The following ANKHD1 variants were observed in gnomAD, a reference collection of about 807,000 sequenced individuals.
The protein encoded by ANKHD1 is ankyrin repeat and KH domain containing 1, also known as ankyrin repeat and KH domain-containing protein 1.
In ANKHD1, 31 loss-of-function variants were observed where a neutral mutation model predicts 230.5. The observed-to-expected ratio is 0.13, with a 90% CI of 0.10 to 0.18. The LOEUF (loss-of-function observed/expected upper bound fraction) is 0.18, where lower values mean the gene tolerates loss of function less well. Ranked by LOEUF, ANKHD1 falls within the 10% of genes least tolerant of loss-of-function variation. The pLI, the probability that ANKHD1 is intolerant of heterozygous loss-of-function variation, is 1.00. For synonymous variants in ANKHD1, 1,074 were observed against 1,117.6 expected (o/e 0.96, Z 0.78); for missense variants, 2,256 against 3,071.3 (o/e 0.73, Z 6.27).
chr5:140,455,715 C>T (rs1465543224), intron 7 of ANKHD1, among the ~76,000 whole-genome samples: 1 of 152,128 alleles, frequency 6.6e-6, no homozygotes, highest in Non-Finnish European at 1.5e-5. Flanking sequence ...GGACATATCT[C>T]AAAATAATAA....
At chr5:140,531,329 C>T in intron 29 of ANKHD1, 1 of 416,864 alleles carries the variant, frequency 2.4e-6, no homozygotes, top group East Asian at 9.3e-5. Flanking sequence ...GCCTGTAATC[C>T]CAGCACTTTG....
chr5:140,496,890 G>C lies in ANKHD1; in HGVS notation c.2616G>C (p.Gln872His), dbSNP rs571504331. 2 of 1,614,200 alleles carry C rather than the reference G, an allele frequency of 1.2e-6. No individual in the cohort carries two copies. The highest frequency in any genetic ancestry group is 1.7e-5 in the Admixed American group (1 of 60,024). The change falls in exon 15 of 34, where the codon CAG becomes CAC. Residue 872 changes from glutamine (Q) to histidine (H), a missense_variant. Gln to His is a conservative substitution (Grantham distance 24). Transcript: ENST00000360839. Reference protein sequence around the residue: ...GQKDTVSLHQQCSHRGVFPEG... With the variant: ...GQKDTVSLHQHCSHRGVFPEG... ...AAGACACAGTGTCTCTACACCAACA[G>C]TGCTCTCATAGAGGAGTCTTCCCAG...
At chr5:140,491,092 G>GTGTATA (rs1394796731) in intron 14 of ANKHD1, among the ~76,000 whole-genome samples, 1 of 102,414 alleles carries the variant, frequency 9.8e-6, no homozygotes, top group African/African-American at 4.0e-5. Flanking sequence ...GTGTGTGTGT[G>GTGTATA]TATATATATA....
chr5:140,410,591 A>G (rs2126846286), intron 1 of ANKHD1, among the ~76,000 whole-genome samples: 2 of 152,322 alleles, frequency 1.3e-5, no homozygotes, highest in South Asian at 4.1e-4. Flanking sequence ...TAAAGTTGTA[A>G]TAAATAAAAT....
intron 5 of ANKHD1, among the ~76,000 whole-genome samples, chr5:140,444,996 AG>A (rs1715163597): frequency 6.6e-6 from 1 of 151,970 alleles, no homozygotes; most frequent in Non-Finnish European, 1.5e-5. Flanking sequence ...CAGGGACTAC[AG>A]GGGTATGCCA....
chr5:140,511,692 C>A (rs1752777153), intron 22 of ANKHD1, among the ~76,000 whole-genome samples: 1 of 152,166 alleles, frequency 6.6e-6, no homozygotes, highest in South Asian at 2.1e-4. Flanking sequence ...GTGCAATTTA[C>A]ATATAGTGAA....
chr5:140,468,274 CAAAA>C (rs1163072989), intron 10 of ANKHD1, among the ~76,000 whole-genome samples: 1 of 144,458 alleles, frequency 6.9e-6, no homozygotes, highest in Non-Finnish European at 1.5e-5. Context: ...AAAAAAAAAA[CAAAA>C]AAAAACAAAA....
At chr5:140,444,774 T>C (rs947598004) in intron 5 of ANKHD1, among the ~76,000 whole-genome samples, 3 of 152,208 alleles carry the variant, frequency 2.0e-5, no homozygotes, top group Non-Finnish European at 1.5e-5. Context: ...TTGTAGAATA[T>C]TCCCATCACC....
chr5:140,532,869 G>A, intron 29 of ANKHD1: 1 of 376,676 alleles, frequency 2.7e-6, no homozygotes, highest in Non-Finnish European at 5.3e-6. Context: ...GGCTGAGTTG[G>A]GTGGATCACT....
chr5:140,446,514 C>T (rs1464191924), intron 6 of ANKHD1, among the ~76,000 whole-genome samples: 2 of 152,176 alleles, frequency 1.3e-5, no homozygotes, highest in East Asian at 3.9e-4. Flanking sequence ...GCATGCACCA[C>T]CATGCCTGGC....
intron 20 of ANKHD1, among the ~76,000 whole-genome samples, chr5:140,509,253 T>C (rs1161228783): frequency 2.0e-5 from 3 of 152,214 alleles, no homozygotes; most frequent in African/African-American, 7.2e-5. Context: ...TGAAAAAATG[T>C]TGGAGACTAA....
Position 140,446,123 on chromosome 5 carries a change from A to G in ANKHD1, c.1147+148A>G, listed in dbSNP as rs867385370. The G allele has an allele frequency of 3.0e-5, 23 of 772,772 alleles. No homozygotes were observed. The Middle Eastern group carries it at 1.2e-3, about 41-fold the overall frequency. The allele number at this position is 772,772 out of a possible 1,614,324, so 47.9% of individuals were successfully genotyped here. ...TTATAAGAAATTATATAGAAAGTCT[A>G]TTTTAGTCTATATTGCCTGTAATAT... On this transcript the variant is annotated intron_variant, in intron 6 of 33. Coordinates refer to ENST00000360839, the MANE Select transcript of ANKHD1 (RefSeq NM_017747.3).
chr5:140,407,087 G>A (rs1319682831), intron 1 of ANKHD1, among the ~76,000 whole-genome samples: 1 of 151,472 alleles, frequency 6.6e-6, no homozygotes, highest in African/African-American at 2.4e-5. Flanking sequence ...ACAAGATCAG[G>A]AGTTTGAGAC....
intron 1 of ANKHD1, among the ~76,000 whole-genome samples, chr5:140,413,166 G>A (rs1771077508): frequency 6.6e-6 from 1 of 152,116 alleles, no homozygotes; most frequent in Admixed American, 6.6e-5. Context: ...AAGTTGCCAA[G>A]GTAAGTTTGA....
At chr5:140,464,444 G>C (rs1029769625) in intron 9 of ANKHD1, among the ~76,000 whole-genome samples, 3 of 152,090 alleles carry the variant, frequency 2.0e-5, no homozygotes, top group African/African-American at 7.2e-5. Context: ...TCTTACTACT[G>C]ATGTAAGGGC....
At chr5:140,436,346 A>T (rs1276653201) in intron 2 of ANKHD1, 89 bp downstream of exon 2, 67 of 1,268,970 alleles carry the variant, frequency 5.3e-5, no homozygotes, top group Non-Finnish European at 6.6e-5. Context: ...ATTCTATAAC[A>T]TTATACAAAA....
intron 11 of ANKHD1, among the ~76,000 whole-genome samples, chr5:140,483,658 T>C (rs1400210573): frequency 2.0e-5 from 3 of 151,850 alleles, no homozygotes; most frequent in Non-Finnish European, 4.4e-5. Context: ...GGTTTTACCA[T>C]GGTTTGCCAG....
At chr5:140,422,552 C>T (rs1772067141) in intron 1 of ANKHD1, among the ~76,000 whole-genome samples, 1 of 151,412 alleles carries the variant, frequency 6.6e-6, no homozygotes, top group Non-Finnish European at 1.5e-5. Flanking sequence ...TCTTCCAGCA[C>T]TTTGGGGGGC....
rs778656122 is a variant in ANKHD1 at position 140,529,346 on chromosome 5, T to C, written c.6400T>C (p.Ser2134Pro). 5 of 1,614,212 alleles carry C rather than the reference T, an allele frequency of 3.1e-6. No individual in the cohort carries two copies. Among genetic ancestry groups the C allele is most frequent in the Non-Finnish European group, 4.2e-6 (5 of 1,180,034 alleles). The change falls in exon 29 of 34, where the codon TCT becomes CCT. Residue 2134 changes from serine to proline, a missense_variant. Physicochemically the swap from Ser to Pro is moderately conservative, Grantham distance 74. Around this residue, in one of 13 missense-constraint regions of ANKHD1, gnomAD observed 778 missense variants for 966.5 expected, o/e 0.80. Transcript: ENST00000360839. The stretch of plus-strand genomic sequence containing the variant: ...GTTAGCTGTACCAGCACCTCGAGTT[T>C]CTCATCGAATGCAGCCCAGAGGTTC... ...PQLAVPAPRV[S>P]HRMQPRGSFY...
Sources: gnomAD v4.1 joint callset for allele counts (sites outside exome capture counted in the v4.1 genomes callset) on GRCh38, gnomAD v4.1.1 for gene constraint, gnomAD v4.1.1 regional missense constraint, MANE v1.5 for transcripts, NCBI Gene and HGNC (gene_info 2026-07-23, HGNC 2026-07-21) for gene names.